The following TVP23A variants were observed in gnomAD, a reference collection of about 807,000 sequenced individuals.
TVP23A encodes the protein trans-golgi network vesicle protein 23 homolog A, also known as Golgi apparatus membrane protein TVP23 homolog A.
In TVP23A, 21 loss-of-function variants were observed where a neutral mutation model predicts 31.7. That is an observed-to-expected ratio of 0.66 (90% CI 0.47 to 0.95). The LOEUF is 0.95. TVP23A is among the 40% of genes least tolerant of loss of function. The pLI is 0.00. For missense variants in TVP23A, 279 were observed against 255.6 expected (o/e 1.09, Z -0.62); for synonymous variants, 104 against 96.0 (o/e 1.08, Z -0.49).
At position 10,767,796 on chromosome 16, in the gene TVP23A, G is replaced by T. The variant is rs2031115816; in HGVS notation, c.*1306C>A. 1.5e-6 allele frequency: 1 copy of T among 660,516 alleles called. No homozygotes were observed. The highest frequency in any genetic ancestry group is 2.6e-6 in the Non-Finnish European group (1 of 380,968). The allele number at this position is 660,516 out of a possible 1,614,324, so 40.9% of individuals were successfully genotyped here. ...ACCCTGCTGGAAGGAAGGTCCCTGA[G>T]ACCCCACTGGTCTTTTCTACTTTGT... On this transcript the variant is annotated 3_prime_UTR_variant, in exon 8 of 8. Coordinates refer to ENST00000299866, the MANE Select transcript of TVP23A (RefSeq NM_001079512.4). The surrounding 1 kb of genome is among the most constrained non-coding windows in gnomAD (Gnocchi z 4.6).
downstream of TVP23A, among the ~76,000 whole-genome samples, chr16:10,764,043 CCAGCCCAAAGGAGCATCT>C (rs2030448187): frequency 2.0e-5 from 3 of 151,242 alleles, no homozygotes; most frequent in East Asian, 2.0e-4. Flanking sequence ...TGGGAGCATC[CCAGCCCAAAGGAGCATCT>C]CAGCCCACTG....
intron 2 of TVP23A, among the ~76,000 whole-genome samples, chr16:10,817,462 G>A (rs983259984): frequency 2.0e-5 from 3 of 152,180 alleles, no homozygotes; most frequent in East Asian, 1.9e-4. Flanking sequence ...CGGCAACCAC[G>A]TTCACAGGTC....
At chr16:10,780,298 A>G (rs1343585296) in intron 2 of TVP23A, among the ~76,000 whole-genome samples, 1 of 151,864 alleles carries the variant, frequency 6.6e-6, no homozygotes, top group Admixed American at 6.6e-5. Flanking sequence ...GTCTCTTCAG[A>G]CCCCTAATAA....
chr16:10,790,287 T>TC (rs1281259355), intron 2 of TVP23A, among the ~76,000 whole-genome samples: 11 of 147,068 alleles, frequency 7.5e-5, no homozygotes, highest in Admixed American at 6.1e-4. Context: ...AAATTTTTTT[T>TC]TTTTTTTTTT....
chr16:10,798,024 C>T lies in TVP23A; in HGVS notation c.89+20079G>A, dbSNP rs560591366. Among the ~76,000 whole-genome samples, 26 of 144,266 alleles carry T rather than the reference C, an allele frequency of 1.8e-4. 1 individual carries two copies. Among genetic ancestry groups the T allele is most frequent in the East Asian group, 6.1e-4 (3 of 4,916 alleles). 94.6% of individuals were successfully genotyped at this position (144,266 alleles called of 152,430 possible). ...AGGCTGGAGTGCAGTGGCGCCATCTCGGCTCACTGCAAGCTCCGCCTCCCG... is the reference window on the plus strand; with the variant it reads ...AGGCTGGAGTGCAGTGGCGCCATCTTGGCTCACTGCAAGCTCCGCCTCCCG... On this transcript the variant is annotated intron_variant, in intron 2 of 7. Transcript: ENST00000299866.
intron 2 of TVP23A, among the ~76,000 whole-genome samples, chr16:10,804,923 T>C (rs1239245339): frequency 6.6e-6 from 1 of 151,860 alleles, no homozygotes; most frequent in African/African-American, 2.4e-5. Context: ...CTGTACCTCT[T>C]GGGCAGTTTC....
At chr16:10,799,034 C>A (rs928351215) in intron 2 of TVP23A, among the ~76,000 whole-genome samples, 5 of 152,192 alleles carry the variant, frequency 3.3e-5, no homozygotes, top group African/African-American at 1.2e-4. Context: ...TTGGGAGCAG[C>A]CCTATGTTGA....
chr16:10,799,525 G>C (rs1343622538), intron 2 of TVP23A, among the ~76,000 whole-genome samples: 1 of 152,178 alleles, frequency 6.6e-6, no homozygotes, highest in Non-Finnish European at 1.5e-5. Flanking sequence ...GTGGAGACAG[G>C]GTTTGGCCAT....
Position 10,777,854 on chromosome 16 carries a change from T to TA in TVP23A, c.90-2759dup, listed in dbSNP as rs1389476853. Among the ~76,000 whole-genome samples the TA allele has an allele frequency of 1.3e-5, 2 of 151,546 alleles. No individual in the cohort carries two copies. Among genetic ancestry groups the TA allele is most frequent in the Non-Finnish European group, 2.9e-5 (2 of 67,928 alleles). Reference sequence around the variant, plus strand: ...GGTGAAACCCCGTCTCTACTAAAAATACAAAAATTAGCTGAGCGTGGTGGT... The same window carrying TA: ...GGTGAAACCCCGTCTCTACTAAAAATAACAAAAATTAGCTGAGCGTGGTGGT... On this transcript the variant is annotated intron_variant, in intron 2 of 7. Coordinates refer to ENST00000299866, the MANE Select transcript of TVP23A (RefSeq NM_001079512.4). The surrounding 1 kb of genome is among the most constrained non-coding windows in gnomAD (Gnocchi z 4.5).
intron 2 of TVP23A, among the ~76,000 whole-genome samples, chr16:10,805,968 C>A (rs979711353): frequency 6.6e-6 from 1 of 152,224 alleles, no homozygotes; most frequent in African/African-American, 2.4e-5. Context: ...CTACCAGCAT[C>A]TGCAAAACTC....
At chr16:10,804,334 G>A (rs2033844787) in intron 2 of TVP23A, among the ~76,000 whole-genome samples, 1 of 152,340 alleles carries the variant, frequency 6.6e-6, no homozygotes, top group East Asian at 1.9e-4. Context: ...GCAACCTCAG[G>A]TGCTCACAGG....
At chr16:10,790,279 ATTTTTTT>A (rs376916439) in intron 2 of TVP23A, among the ~76,000 whole-genome samples, 3 of 114,536 alleles carry the variant, frequency 2.6e-5, no homozygotes, top group Non-Finnish European at 3.5e-5. Context: ...TTGGGGTAAA[ATTTTTTT>A]TTTTTTTTTT....
chr16:10,803,843 C>A (rs560633214), intron 2 of TVP23A, among the ~76,000 whole-genome samples: 1 of 152,056 alleles, frequency 6.6e-6, no homozygotes, highest in Non-Finnish European at 1.5e-5. Context: ...TTAGGATCTA[C>A]AGGACATGGG....
rs774066951 is a variant in TVP23A, at chr16:10,774,082, A to G, written c.281T>C (p.Ile94Thr). ...LLVGLRWWNQ[I>T]DEDGKSHWIF... ...CCAGTGGCTCTTCCCATCTTCATCT[A>G]TCTGGTTCCACCATCGAAGGCCCAC... Residue 94 changes from isoleucine (I) to threonine (T), a missense_variant, in exon 4 of 8, where the codon ATA (isoleucine) becomes ACA (threonine). Transcript: ENST00000299866. 36 of 1,612,138 alleles carry G rather than the reference A, an allele frequency of 2.2e-5. No homozygotes were observed. The highest frequency in any genetic ancestry group is 3.0e-5 in the Non-Finnish European group (35 of 1,179,214).
intron 2 of TVP23A, among the ~76,000 whole-genome samples, chr16:10,800,809 C>A (rs976580042): frequency 1.3e-5 from 2 of 151,860 alleles, no homozygotes; most frequent in African/African-American, 4.8e-5. Context: ...CATGGCGAAA[C>A]CCCATCTCTA....
At chr16:10,790,531 C>T (rs144807480) in intron 2 of TVP23A, among the ~76,000 whole-genome samples, 1,889 of 152,184 alleles carry the variant, frequency 0.012, 40 homozygotes, top group African/African-American at 0.043. Context: ...GTGATCCGCC[C>T]GCCTCGGGCT....
chr16:10,765,166 A>G (rs2030676820), downstream of TVP23A: 1 of 152,734 alleles, frequency 6.5e-6, no homozygotes, highest in Admixed American at 6.5e-5. The surrounding 1 kb of genome is among the most constrained non-coding windows in gnomAD (Gnocchi z 4.0). Flanking sequence ...TGGCCATCAC[A>G]ATTGCCACAT....
chr16:10,793,254 C>T (rs145646337), intron 2 of TVP23A, among the ~76,000 whole-genome samples: 4,161 of 152,020 alleles, frequency 0.027, 190 homozygotes, highest in African/African-American at 0.095. Context: ...CCAGCCTGGG[C>T]GACACAGCAA....
chr16:10,793,954 G>A (rs548834193), intron 2 of TVP23A, among the ~76,000 whole-genome samples: 2 of 149,660 alleles, frequency 1.3e-5, no homozygotes, highest in South Asian at 2.1e-4. Flanking sequence ...CAGTTCTGGA[G>A]GCTGGCAAGT....
Sources: allele counts gnomAD v4.1 joint callset (sites outside exome capture counted in the v4.1 genomes callset), GRCh38; gene constraint gnomAD v4.1.1; non-coding constraint Gnocchi (gnomAD v3.1); transcripts MANE v1.5; gene names NCBI Gene and HGNC (gene_info 2026-07-23, HGNC 2026-07-21).